The following CHD9 variants were observed in gnomAD, a reference collection of about 807,000 sequenced individuals.
The protein encoded by CHD9 is chromodomain helicase DNA binding protein 9.
In CHD9, 77 loss-of-function variants were observed where a neutral mutation model predicts 316.1. The ratio of observed to expected loss-of-function variants is 0.24; its 90% CI spans 0.20 to 0.29. The LOEUF is 0.29. CHD9 is among the 10% of genes least tolerant of loss of function. The probability of loss-of-function intolerance (pLI) is 1.00; values close to 1 mark genes in which losing one functional copy is unlikely to be tolerated. For missense variants in CHD9, 2,763 were observed against 3,438.1 expected (o/e 0.80, Z 4.91); for synonymous variants, 1,129 against 1,158.3 (o/e 0.97, Z 0.51).
intron 2 of CHD9, among the ~76,000 whole-genome samples, chr16:53,204,629 G>C (rs1268320681): frequency 6.6e-6 from 1 of 151,916 alleles, no homozygotes; most frequent in South Asian, 2.1e-4. Flanking sequence ...ATTAGGTCAT[G>C]ACCTGTCTTT....
At chr16:53,158,697 C>A (rs146434627) in intron 2 of CHD9, among the ~76,000 whole-genome samples, 93 of 152,030 alleles carry the variant, frequency 6.1e-4, no homozygotes, top group Admixed American at 1.2e-3. Flanking sequence ...AGTGCAGTGG[C>A]ACCATCAGGG....
chr16:53,323,547 C>T (rs1333149350), intron 38 of CHD9, among the ~76,000 whole-genome samples: 1 of 152,184 alleles, frequency 6.6e-6, no homozygotes, highest in Admixed American at 6.5e-5. Flanking sequence ...ATGGCTCTAT[C>T]TCCTTTATTC....
chr16:53,211,601 C>A (rs972907515), intron 3 of CHD9, among the ~76,000 whole-genome samples: 2 of 151,860 alleles, frequency 1.3e-5, no homozygotes, highest in African/African-American at 4.8e-5. Context: ...AAAATATAGG[C>A]CTTTTTGATA....
At chr16:53,135,002 A>G (rs2039611617) in intron 1 of CHD9, among the ~76,000 whole-genome samples, 1 of 152,154 alleles carries the variant, frequency 6.6e-6, no homozygotes, top group Admixed American at 6.5e-5. Context: ...TATGGTGGAG[A>G]AAATGGGGAG....
At chr16:53,254,638 T>C in intron 18 of CHD9, 33 bp downstream of exon 18, 1 of 1,546,238 alleles carries the variant, frequency 6.5e-7, no homozygotes, top group Admixed American at 1.8e-5. Flanking sequence ...TTGAGATTTT[T>C]GTGTGTTTTT....
rs773266940 is a variant in CHD9, at chr16:53,204,058, T to TATATACAC, written c.1453-5423_1453-5422insTATACACA. Among the ~76,000 whole-genome samples the TATATACAC allele has an allele frequency of 1.3e-3, 85 of 63,000 alleles. 1 individual carries two copies. Among genetic ancestry groups the TATATACAC allele is most frequent in the Middle Eastern group, 9.8e-3 (1 of 102 alleles). The allele number at this position is 63,000 out of a possible 152,430, so 41.3% of individuals were successfully genotyped here. A position where few individuals can be genotyped will look rare whatever the true frequency, so the allele number is the denominator to read the frequency against. ...AAAAAAAAAAAAAAAAATATATATA[T>TATATACAC]ACACACACACACACACACACACACA... On this transcript the variant is annotated intron_variant, in intron 2 of 38. Coordinates refer to ENST00000447540, the MANE Select transcript of CHD9 (RefSeq NM_001308319.2).
intron 3 of CHD9, among the ~76,000 whole-genome samples, chr16:53,215,492 G>A (rs988835299): frequency 3.9e-5 from 6 of 152,230 alleles, no homozygotes; most frequent in Admixed American, 2.6e-4. Context: ...TTGGGGTCTT[G>A]AGTTGAACTT....
At chr16:53,315,122 C>T in intron 36 of CHD9, 78 bp downstream of exon 36, 2 of 1,032,348 alleles carry the variant, frequency 1.9e-6, no homozygotes, top group Non-Finnish European at 2.9e-6. Flanking sequence ...CATAAATTCT[C>T]ATCCACTTAT....
intron 1 of CHD9, among the ~76,000 whole-genome samples, chr16:53,089,060 C>T (rs187384135): frequency 7.2e-5 from 11 of 151,868 alleles, no homozygotes; most frequent in Admixed American, 2.6e-4. Flanking sequence ...TGCAGTGAGC[C>T]GAGATCGTGC....
At chr16:53,186,742 A>G (rs2044045733) in intron 2 of CHD9, among the ~76,000 whole-genome samples, 1 of 152,130 alleles carries the variant, frequency 6.6e-6, no homozygotes, top group South Asian at 2.1e-4. Context: ...TGTTCTTGTG[A>G]TAGTGAGTTA....
At chr16:53,226,286 G>A (rs1420371451) in intron 4 of CHD9, 80 bp from the exon 5 acceptor site, 3 of 895,454 alleles carry the variant, frequency 3.4e-6, no homozygotes, top group East Asian at 3.0e-5. Context: ...ATACAAAATT[G>A]CCAACTCTAG....
At chr16:53,262,123 G>A (rs1369645831) in intron 19 of CHD9, among the ~76,000 whole-genome samples, 2 of 151,854 alleles carry the variant, frequency 1.3e-5, no homozygotes, top group East Asian at 1.9e-4. Context: ...TTTGAAAATC[G>A]TTTTATGTGA....
Position 53,285,965 on chromosome 16 carries a change from G to A in CHD9, c.5072-261G>A, listed in dbSNP as rs1380916952. Among the ~76,000 whole-genome samples the A allele has an allele frequency of 6.6e-5, 10 of 152,280 alleles. No homozygotes were observed. In the East Asian group the frequency reaches 1.9e-3, roughly 29 times the overall value. ...GTTCTCATGTGAGATATGTTTGTGTGTTTGTGTGTGGGTATGATCAGTTTA... is the reference window on the plus strand; with the variant it reads ...GTTCTCATGTGAGATATGTTTGTGTATTTGTGTGTGGGTATGATCAGTTTA... On this transcript the variant is annotated intron_variant, in intron 25 of 38. Coordinates refer to ENST00000447540, the MANE Select transcript of CHD9 (RefSeq NM_001308319.2).
intron 19 of CHD9, among the ~76,000 whole-genome samples, chr16:53,259,299 A>G (rs7201867): frequency 0.28 from 42,249 of 152,032 alleles, 5,964 homozygotes; most frequent in Middle Eastern, 0.32. Context: ...AATGTAACAA[A>G]GCTATTTAAT....
intron 2 of CHD9, among the ~76,000 whole-genome samples, chr16:53,172,237 G>C (rs527426605): frequency 6.6e-6 from 1 of 151,908 alleles, no homozygotes; most frequent in Admixed American, 6.5e-5. Context: ...TCTGATTTCT[G>C]TCACTCTATG....
At chr16:53,110,000 A>G (rs1259881449) in intron 1 of CHD9, among the ~76,000 whole-genome samples, 2 of 152,048 alleles carry the variant, frequency 1.3e-5, no homozygotes, top group South Asian at 2.1e-4. Flanking sequence ...CCCAGTTTCT[A>G]TTGAAGAACG....
chr16:53,266,081 A>G (rs529454391), intron 20 of CHD9, among the ~76,000 whole-genome samples: 2 of 152,154 alleles, frequency 1.3e-5, no homozygotes, highest in South Asian at 4.2e-4. Context: ...AAGGAAATAA[A>G]AAATCACCAT....
rs1439842847 is a variant in CHD9 at position 53,288,159 on chromosome 16, G to A, written c.5247+145G>A. On this transcript the variant is annotated intron_variant, in intron 27 of 38. Transcript: ENST00000447540. ...TTAGCTAAGTAAGTGATCAACTTGG[G>A]TTGACAAACATCTCAAATAATCACT... 4.7e-6 allele frequency: 3 copies of A among 638,724 alleles called. No individual in the cohort carries two copies. The African/African-American group carries it at 5.5e-5, about 12-fold the overall frequency. 39.6% of individuals were successfully genotyped at this position (638,724 alleles called of 1,614,324 possible). A position where few individuals can be genotyped will look rare whatever the true frequency, so the allele number is the denominator to read the frequency against.
At chr16:53,243,454 C>T (rs2049279492) in intron 13 of CHD9, among the ~76,000 whole-genome samples, 1 of 152,186 alleles carries the variant, frequency 6.6e-6, no homozygotes, top group Non-Finnish European at 1.5e-5. Flanking sequence ...GCTGGGATTA[C>T]AGGCATGTGC....
Sources: gnomAD v4.1 joint callset for allele counts (sites outside exome capture counted in the v4.1 genomes callset) on GRCh38, gnomAD v4.1.1 for gene constraint, MANE v1.5 for transcripts, NCBI Gene and HGNC (gene_info 2026-07-23, HGNC 2026-07-21) for gene names.